The following CTNND2 variants were observed in gnomAD, a reference collection of about 807,000 sequenced individuals.
CTNND2 encodes catenin delta 2, also known as catenin delta-2.
Under a neutral mutation model 144.4 loss-of-function variants are expected in CTNND2, and 22 were observed. The ratio of observed to expected loss-of-function variants is 0.15; its 90% CI spans 0.11 to 0.22. The LOEUF (loss-of-function observed/expected upper bound fraction) is 0.22, where lower values mean the gene tolerates loss of function less well. CTNND2 is among the 10% of genes least tolerant of loss of function. The probability of loss-of-function intolerance (pLI) is 1.00; values close to 1 mark genes in which losing one functional copy is unlikely to be tolerated. For synonymous variants in CTNND2, 751 were observed against 695.6 expected (o/e 1.08, Z -1.25); for missense variants, 1,353 against 1,618.8 (o/e 0.84, Z 2.82).
chr5:11,186,076 A>T (rs772183660), intron 11 of CTNND2, among the ~76,000 whole-genome samples: 1 of 152,266 alleles, frequency 6.6e-6, no homozygotes, highest in South Asian at 2.1e-4. Flanking sequence ...CTTTCCTTTA[A>T]GCCTTTATAC....
chr5:11,078,214 C>T (rs1264159940), intron 16 of CTNND2, among the ~76,000 whole-genome samples: 1 of 152,186 alleles, frequency 6.6e-6, no homozygotes, highest in Admixed American at 6.5e-5. Flanking sequence ...CACTCAAAGT[C>T]ACTGCAGCTT....
chr5:11,429,866 T>C (rs1763118945), intron 3 of CTNND2, among the ~76,000 whole-genome samples: 1 of 152,184 alleles, frequency 6.6e-6, no homozygotes, highest in Non-Finnish European at 1.5e-5. Context: ...TCATTTTCTT[T>C]TCCTATTCAG....
intron 7 of CTNND2, among the ~76,000 whole-genome samples, chr5:11,373,335 T>A (rs1005740522): frequency 6.6e-6 from 1 of 152,142 alleles, no homozygotes; most frequent in African/African-American, 2.4e-5. Context: ...CTTCAGTCTC[T>A]CCAGTAGCTG....
chr5:11,800,682 A>G (rs752424115), intron 1 of CTNND2, among the ~76,000 whole-genome samples: 1 of 152,206 alleles, frequency 6.6e-6, no homozygotes, highest in Non-Finnish European at 1.5e-5. Context: ...AATGATTGAT[A>G]AACATAAAGT....
At chr5:11,433,203 G>A (rs1763453134) in intron 3 of CTNND2, among the ~76,000 whole-genome samples, 1 of 151,100 alleles carries the variant, frequency 6.6e-6, no homozygotes, top group South Asian at 2.1e-4. Context: ...CCCAGATCAC[G>A]CCACTGCACT....
At chr5:11,271,235 G>T (rs536671209) in intron 9 of CTNND2, among the ~76,000 whole-genome samples, 1 of 152,178 alleles carries the variant, frequency 6.6e-6, no homozygotes, top group South Asian at 2.1e-4. Context: ...ACCAATAAAC[G>T]TATTTTACCA....
intron 2 of CTNND2, among the ~76,000 whole-genome samples, chr5:11,667,287 T>C (rs1053571454): frequency 2.6e-5 from 4 of 152,210 alleles, no homozygotes; most frequent in Non-Finnish European, 5.9e-5. Context: ...TACCCACTAA[T>C]GGGACTGCTG....
chr5:11,573,422 G>A (rs72734908), intron 2 of CTNND2, among the ~76,000 whole-genome samples: 19,803 of 151,962 alleles, frequency 0.13, 2,021 homozygotes, highest in East Asian at 0.44. Flanking sequence ...CTACAGCCAC[G>A]TCTCTTGGCA....
At chr5:11,560,116 A>G (rs1010724417) in intron 3 of CTNND2, among the ~76,000 whole-genome samples, 5 of 152,242 alleles carry the variant, frequency 3.3e-5, no homozygotes, top group South Asian at 2.1e-4. Context: ...AAGGGTTACC[A>G]TAAGCATGAA....
chr5:11,335,764 C>T (rs1314711552), intron 9 of CTNND2, among the ~76,000 whole-genome samples: 4 of 152,124 alleles, frequency 2.6e-5, no homozygotes, highest in Non-Finnish European at 5.9e-5. Context: ...TTTGCAAATT[C>T]CCACTCCCTT....
chr5:11,511,524 A>C (rs1450371836), intron 3 of CTNND2, among the ~76,000 whole-genome samples: 1 of 152,156 alleles, frequency 6.6e-6, no homozygotes, highest in Non-Finnish European at 1.5e-5. Flanking sequence ...TTTTCCCCTC[A>C]TTTGGGGGTG....
intron 1 of CTNND2, among the ~76,000 whole-genome samples, chr5:11,888,349 T>A (rs777724137): frequency 2.0e-4 from 30 of 151,906 alleles, no homozygotes; most frequent in Non-Finnish European, 3.8e-4. Flanking sequence ...TGGCAGAGAG[T>A]GACTGCGTGC....
chr5:11,757,641 T>G (rs988146825), intron 1 of CTNND2, among the ~76,000 whole-genome samples: 2 of 152,000 alleles, frequency 1.3e-5, no homozygotes, highest in Non-Finnish European at 2.9e-5. Flanking sequence ...ATTTAAATTT[T>G]TAATAATCTG....
chr5:11,251,763 C>T (rs949364599), intron 9 of CTNND2, among the ~76,000 whole-genome samples: 1 of 152,122 alleles, frequency 6.6e-6, no homozygotes, highest in Non-Finnish European at 1.5e-5. Flanking sequence ...AAAGTTTATA[C>T]TCAGAATTTC....
At chr5:11,215,899 A>G (rs1473120503) in intron 10 of CTNND2, among the ~76,000 whole-genome samples, 1 of 152,224 alleles carries the variant, frequency 6.6e-6, no homozygotes, top group Admixed American at 6.5e-5. Context: ...AATTAAAGAA[A>G]TTGTGGTTTA....
At chr5:11,065,497 T>A (rs1209967817) in intron 16 of CTNND2, among the ~76,000 whole-genome samples, 1 of 152,208 alleles carries the variant, frequency 6.6e-6, no homozygotes, top group Non-Finnish European at 1.5e-5. Flanking sequence ...TTCCTCTATT[T>A]TCCCCTATGG....
chr5:11,106,162 A>G (rs1752409583), intron 14 of CTNND2, among the ~76,000 whole-genome samples: 1 of 152,222 alleles, frequency 6.6e-6, no homozygotes, highest in Non-Finnish European at 1.5e-5. Flanking sequence ...TTGCGTATTG[A>G]GAGTCTTAAA....
chr5:11,855,809 C>G (rs1371953495), intron 1 of CTNND2, among the ~76,000 whole-genome samples: 1 of 152,134 alleles, frequency 6.6e-6, no homozygotes, highest in Non-Finnish European at 1.5e-5. Flanking sequence ...CTCTGGGCCC[C>G]AGACCTAGAA....
Position 11,468,513 on chromosome 5 carries a change from G to A in CTNND2, c.288-56444C>T, listed in dbSNP as rs370558299. On this transcript the variant is annotated intron_variant, in intron 3 of 21. Transcript: ENST00000304623. ...CAGGAAGCCACAGCCCATCCACAGA[G>A]CAGCAGGTTCCCAGATCTCTCTGTA... Among the ~76,000 whole-genome samples, 25 of 152,234 alleles carry A rather than the reference G, an allele frequency of 1.6e-4. No individual in the cohort carries two copies. The East Asian group carries it at 4.5e-3, about 27-fold the overall frequency.
Sources: gnomAD v4.1 joint callset for allele counts (sites outside exome capture counted in the v4.1 genomes callset) on GRCh38, gnomAD v4.1.1 for gene constraint, MANE v1.5 for transcripts, NCBI Gene and HGNC (gene_info 2026-07-23, HGNC 2026-07-21) for gene names.